Variants in FAM184A observed in about 807,000 individuals in gnomAD.
FAM184A encodes protein FAM184A.
In FAM184A, 99 loss-of-function variants were observed where a neutral mutation model predicts 143.8. The ratio of observed to expected loss-of-function variants is 0.69; its 90% CI spans 0.58 to 0.81. The LOEUF (loss-of-function observed/expected upper bound fraction) is 0.81. Among genes scored for constraint, FAM184A ranks in the 40% least tolerant of loss-of-function variants. FAM184A has a pLI of 0.00. For missense variants in FAM184A, 1,217 were observed against 1,310.5 expected (o/e 0.93, Z 1.10); for synonymous variants, 427 against 446.4 (o/e 0.96, Z 0.55).
At chr6:119,019,041 A>G (rs1315146708) in intron 4 of FAM184A, among the ~76,000 whole-genome samples, 1 of 152,194 alleles carries the variant, frequency 6.6e-6, no homozygotes, top group Admixed American at 6.5e-5. Context: ...ATTCAGAGAA[A>G]ATGTCTGGCC....
At chr6:119,106,188 C>T (rs926575610) in intron 1 of FAM184A, among the ~76,000 whole-genome samples, 1 of 152,008 alleles carries the variant, frequency 6.6e-6, no homozygotes, top group African/African-American at 2.4e-5. Context: ...GTCAGGAGAT[C>T]GAGACCATCC....
chr6:119,037,478 C>A (rs1259539289), intron 1 of FAM184A, among the ~76,000 whole-genome samples: 1 of 152,106 alleles, frequency 6.6e-6, no homozygotes, highest in Non-Finnish European at 1.5e-5. Flanking sequence ...GATAATAGTT[C>A]ATTGGTTTAT....
At chr6:119,003,441 T>C in intron 8 of FAM184A, 60 bp downstream of exon 8, 4 of 1,533,162 alleles carry the variant, frequency 2.6e-6, no homozygotes, top group Non-Finnish European at 3.5e-6. Flanking sequence ...ATGTGAGTCA[T>C]ACAAGAGAAA....
intron 1 of FAM184A, among the ~76,000 whole-genome samples, chr6:119,087,307 A>G (rs1788247106): frequency 6.6e-6 from 1 of 152,232 alleles, no homozygotes; most frequent in East Asian, 1.9e-4. Flanking sequence ...AAGGTAGCCC[A>G]TGAAATATGA....
At chr6:118,984,149 T>TAAAA (rs530813071) in intron 9 of FAM184A, among the ~76,000 whole-genome samples, 82 of 111,940 alleles carry the variant, frequency 7.3e-4, no homozygotes, top group South Asian at 1.0e-3. Context: ...AAACTCCATT[T>TAAAA]AAAAAAAAAA....
Position 118,975,164 on chromosome 6 carries a change from T to C in FAM184A, c.2628A>G (p.Leu876=). The C allele has an allele frequency of 6.2e-7, 1 of 1,611,370 alleles. No individual in the cohort carries two copies. Among genetic ancestry groups the C allele is most frequent in the Non-Finnish European group, 8.5e-7 (1 of 1,178,644 alleles). ...CAGAGATGTGATGCTCTCTGTGTCT[T>C]AATTCCTCTTGTAGATCTGTAATTC... The part of the protein sequence containing the change: ...ICRITDLQEE[L]RHREHHISEL... Residue 876 remains leucine (L), a synonymous_variant, in exon 13 of 18, where the codon TTA becomes TTG. Coordinates refer to ENST00000338891, the MANE Select transcript of FAM184A (RefSeq NM_024581.6).
chr6:119,015,644 C>G (rs1412663660), intron 5 of FAM184A, among the ~76,000 whole-genome samples: 1 of 152,356 alleles, frequency 6.6e-6, no homozygotes, highest in East Asian at 1.9e-4. Flanking sequence ...GAGCCTCCCC[C>G]GACGAATGCT....
intron 1 of FAM184A, among the ~76,000 whole-genome samples, chr6:119,110,452 A>G (rs1788904086): frequency 6.6e-6 from 1 of 152,160 alleles, no homozygotes; most frequent in South Asian, 2.1e-4. Flanking sequence ...CTCGGCTGCA[A>G]GAGAGGTGAG....
intron 1 of FAM184A, among the ~76,000 whole-genome samples, chr6:119,138,801 A>G (rs1406201999): frequency 6.6e-6 from 1 of 151,826 alleles, no homozygotes; most frequent in East Asian, 1.9e-4. Context: ...CTAATTTTGT[A>G]TTTTTAGTAG....
intron 1 of FAM184A, among the ~76,000 whole-genome samples, chr6:119,055,942 A>G (rs1786956683): frequency 6.6e-6 from 1 of 152,154 alleles, no homozygotes; most frequent in African/African-American, 2.4e-5. Flanking sequence ...CCCCATCTTG[A>G]TAACAGATAT....
At position 119,078,326 on chromosome 6, in the gene FAM184A, C is replaced by T; in HGVS notation, c.-27G>A. 4.9e-6 allele frequency: 7 copies of T among 1,425,970 alleles called. No individual in the cohort carries two copies. The highest frequency in any genetic ancestry group is 4.4e-5 in the South Asian group (3 of 68,956). 88.3% of individuals were successfully genotyped at this position (1,425,970 alleles called of 1,614,324 possible). A position where few individuals can be genotyped will look rare whatever the true frequency, so the allele number is the denominator to read the frequency against. On this transcript the variant is annotated 5_prime_UTR_variant, in exon 1 of 18. It adds an upstream start codon to the 5' untranslated region. Coordinates refer to ENST00000338891, the MANE Select transcript of FAM184A (RefSeq NM_024581.6). The surrounding 1 kb of genome is among the most constrained non-coding windows in gnomAD (Gnocchi z 5.5). ...TTCCCAACAGACCCCAGCCGGGGCA[C>T]CTGTCCCCGCGGGTGGAGGCAGGCC...
intron 1 of FAM184A, among the ~76,000 whole-genome samples, chr6:119,148,808 T>A (rs182518757): frequency 5.1e-4 from 77 of 152,026 alleles, no homozygotes; most frequent in African/African-American, 1.7e-3. Flanking sequence ...TTTTTTTTTT[T>A]AATGAATGTC....
intron 9 of FAM184A, among the ~76,000 whole-genome samples, chr6:118,994,274 T>C (rs1011126714): frequency 1.3e-5 from 2 of 152,112 alleles, no homozygotes; most frequent in African/African-American, 4.8e-5. Flanking sequence ...AATGGATAAA[T>C]GCATGAAAGA....
At position 119,078,036 on chromosome 6, in the gene FAM184A, A is replaced by G. The variant is rs1311666315; in HGVS notation, c.159+105T>C. The G allele has an allele frequency of 1.5e-6, 2 of 1,317,576 alleles. No homozygotes were observed. Among genetic ancestry groups the G allele is most frequent in the Non-Finnish European group, 2.0e-6 (2 of 978,610 alleles). The allele number at this position is 1,317,576 out of a possible 1,614,324, so 81.6% of individuals were successfully genotyped here. ...GGCTGTTGCTTCGGCGGAGGAGTAG[A>G]GTTCCCCTCGCTGCGGGCGCAGGGC... is the stretch of plus-strand genomic sequence containing the variant. On this transcript the variant is annotated intron_variant, in intron 1 of 17. Transcript: ENST00000338891. This position sits in a 1 kb window ranked among gnomAD's most constrained non-coding sequence, Gnocchi z 5.5.
chr6:119,125,337 C>T (rs1007313939), intron 1 of FAM184A, among the ~76,000 whole-genome samples: 2 of 152,124 alleles, frequency 1.3e-5, no homozygotes, highest in Non-Finnish European at 2.9e-5. Flanking sequence ...AGTGCAATGG[C>T]GTGGCTTGGC....
At chr6:119,110,909 T>C (rs1788914082) in intron 1 of FAM184A, among the ~76,000 whole-genome samples, 1 of 152,232 alleles carries the variant, frequency 6.6e-6, no homozygotes, top group Admixed American at 6.5e-5. Context: ...TTGGGTCTAG[T>C]TCATGAATAT....
intron 1 of FAM184A, among the ~76,000 whole-genome samples, chr6:119,101,654 A>G (rs1788640071): frequency 6.6e-6 from 1 of 152,208 alleles, no homozygotes; most frequent in African/African-American, 2.4e-5. Context: ...TATATGTACA[A>G]ATCATGTTAA....
rs535269311 is a variant in FAM184A, at chr6:118,978,629, G to C, written c.2455+736C>G. ...GGACTCCCAGCAACATTATCGATGAGAAACAGGGTCAGACGGCTTTCCCTT... is the reference window on the plus strand; with the variant it reads ...GGACTCCCAGCAACATTATCGATGACAAACAGGGTCAGACGGCTTTCCCTT... On this transcript the variant is annotated intron_variant, in intron 11 of 17. Coordinates refer to ENST00000338891, the MANE Select transcript of FAM184A (RefSeq NM_024581.6). 1.6e-4 allele frequency among the ~76,000 whole-genome samples: 25 copies of C among 152,272 alleles called. No individual in the cohort carries two copies. The South Asian group carries it at 5.2e-3, about 32-fold the overall frequency.
In FAM184A at chr6:118,960,076, A is replaced by G; in HGVS notation, c.*27T>C. The G allele has an allele frequency of 1.9e-6, 3 of 1,576,352 alleles. No individual in the cohort carries two copies. The highest frequency in any genetic ancestry group is 1.7e-6 in the Non-Finnish European group (2 of 1,146,578). On this transcript the variant is annotated 3_prime_UTR_variant, in exon 18 of 18. Transcript: ENST00000338891. ...AAAGTCATGCTCTTAGTAACAGTCT[A>G]TACAGAGCTGTGCCAACACAATTCT...
Sources: allele counts gnomAD v4.1 joint callset (sites outside exome capture counted in the v4.1 genomes callset), GRCh38; gene constraint gnomAD v4.1.1; non-coding constraint Gnocchi (gnomAD v3.1); transcripts MANE v1.5; gene names NCBI Gene and HGNC (gene_info 2026-07-23, HGNC 2026-07-21).